PMM2: variants seen among roughly 807,000 people sequenced by gnomAD.
PMM2 encodes the protein phosphomannomutase 2.
A neutral mutation model predicts 33.2 loss-of-function variants in PMM2; 35 were observed. The observed-to-expected ratio is 1.06, with a 90% CI of 0.81 to 1.40. The LOEUF (loss-of-function observed/expected upper bound fraction) is 1.40, where lower values mean the gene tolerates loss of function less well. Among genes scored for constraint, PMM2 ranks in the 40% most tolerant of loss-of-function variants. The pLI, the probability that PMM2 is intolerant of heterozygous loss-of-function variation, is 0.00. For missense variants in PMM2, 386 were observed against 306.0 expected, an observed-to-expected ratio of 1.26 and a Z score of -1.95; for synonymous variants, 153 against 114.7, an observed-to-expected ratio of 1.33 and a Z score of -2.13.
chr16:8,830,762 A>G (rs2060804919), intron 7 of PMM2, among the ~76,000 whole-genome samples: 1 of 152,180 alleles, frequency 6.6e-6, no homozygotes, highest in Admixed American at 6.5e-5. Context: ...CTTGTAACTA[A>G]TTTGTTAGTC....
chr16:8,824,591 A>G (rs1213041244), intron 7 of PMM2, among the ~76,000 whole-genome samples: 1 of 152,200 alleles, frequency 6.6e-6, no homozygotes, highest in African/African-American at 2.4e-5. Flanking sequence ...TTTATATTTG[A>G]CAGTGCTTCC....
chr16:8,834,175 T>C (rs1189050481), intron 7 of PMM2, among the ~76,000 whole-genome samples: 2 of 151,182 alleles, frequency 1.3e-5, no homozygotes, highest in South Asian at 2.1e-4. Flanking sequence ...GAAGGGAAAG[T>C]GGTAAAAGTA....
At chr16:8,847,390 A>AAG (rs935961553) in intron 7 of PMM2, among the ~76,000 whole-genome samples, 1 of 151,738 alleles carries the variant, frequency 6.6e-6, no homozygotes, top group South Asian at 2.1e-4. Flanking sequence ...AAAAAAAAAA[A>AAG]AAACTGATGG....
chr16:8,833,218 C>T lies in PMM2; in HGVS notation c.640-14506C>T, dbSNP rs137937051. 1.5e-3 allele frequency among the ~76,000 whole-genome samples: 226 copies of T among 152,164 alleles called. 1 individual carries two copies. The East Asian group carries it at 0.025, about 17-fold the overall frequency. On this transcript the variant is annotated intron_variant, in intron 7 of 7. Transcript: ENST00000268261. ...CGGTGAAGTTAAGAGCAATGTTTTG[C>T]GGGCAGGAGTGGATCTCACAAAGTA...
At chr16:8,807,869 G>T (rs566826522) in intron 4 of PMM2, 9 of 152,222 alleles carry the variant, frequency 5.9e-5, no homozygotes, top group African/African-American at 1.9e-4. Flanking sequence ...TAAAATAATA[G>T]TAATAATAAT....
At chr16:8,802,387 T>G (rs1354835320) in intron 2 of PMM2, 1 of 425,882 alleles carries the variant, frequency 2.3e-6, no homozygotes, top group East Asian at 7.0e-5. Context: ...GAATCCTATT[T>G]CAGTGAGTAC....
intron 7 of PMM2, among the ~76,000 whole-genome samples, chr16:8,847,196 A>T (rs933826835): frequency 2.0e-5 from 3 of 152,034 alleles, no homozygotes; most frequent in Non-Finnish European, 2.9e-5. Context: ...AATCAAATTA[A>T]CTGAGTTCCT....
intron 2 of PMM2, 133 bp downstream of exon 2, chr16:8,802,043 T>G (rs2060619679): frequency 4.4e-6 from 3 of 681,974 alleles, no homozygotes; most frequent in Non-Finnish European, 8.1e-6. Flanking sequence ...TTGGGAAACA[T>G]TTTCTTGGCC....
At chr16:8,803,186 T>C (rs989125835) in intron 2 of PMM2, among the ~76,000 whole-genome samples, 1 of 152,186 alleles carries the variant, frequency 6.6e-6, no homozygotes, top group Non-Finnish European at 1.5e-5. Flanking sequence ...ACAGTCCAAA[T>C]CTGTATGGAC....
intron 7 of PMM2, among the ~76,000 whole-genome samples, chr16:8,839,739 A>T (rs1348721820): frequency 1.3e-5 from 2 of 151,850 alleles, no homozygotes; most frequent in Non-Finnish European, 2.9e-5. Context: ...TGGACTTTGG[A>T]GATGAAGAGT....
chr16:8,812,497 G>A (rs1205061229), intron 6 of PMM2, among the ~76,000 whole-genome samples: 1 of 152,224 alleles, frequency 6.6e-6, no homozygotes, highest in Non-Finnish European at 1.5e-5. Flanking sequence ...TGAACTGTGA[G>A]ATGGACATCT....
intron 7 of PMM2, among the ~76,000 whole-genome samples, chr16:8,830,877 G>A (rs763277707): frequency 2.6e-5 from 4 of 152,220 alleles, no homozygotes; most frequent in South Asian, 2.1e-4. Flanking sequence ...GGTGGCTCAC[G>A]CCTGTAATCC....
chr16:8,803,074 A>C (rs3785176), intron 2 of PMM2, among the ~76,000 whole-genome samples: 30,892 of 152,048 alleles, frequency 0.2, 3,569 homozygotes, highest in East Asian at 0.26. Context: ...ACACGCACAC[A>C]TACGGCTATG....
In PMM2 at chr16:8,798,522, T is replaced by C. The variant is rs567090914; in HGVS notation, c.66+574T>C. On this transcript the variant is annotated intron_variant, in intron 1 of 7. Transcript: ENST00000268261. Reference sequence around the variant, plus strand: ...GATTGTGTAAGTTCTTGAAAGTATGTTGGACACAACACACTAGGCCTCAGT... The same window carrying C: ...GATTGTGTAAGTTCTTGAAAGTATGCTGGACACAACACACTAGGCCTCAGT... 2.0e-5 allele frequency among the ~76,000 whole-genome samples: 3 copies of C among 152,234 alleles called. No homozygotes were observed. In the South Asian group the frequency reaches 6.2e-4, roughly 32 times the overall value.
At chr16:8,836,847 T>C (rs2060851585) in intron 7 of PMM2, among the ~76,000 whole-genome samples, 1 of 151,902 alleles carries the variant, frequency 6.6e-6, no homozygotes, top group Non-Finnish European at 1.5e-5. Flanking sequence ...ACCTAAACGC[T>C]ATCTGATTTG....
chr16:8,825,245 A>ATGG (rs1388388945), intron 7 of PMM2, among the ~76,000 whole-genome samples: 2 of 151,260 alleles, frequency 1.3e-5, no homozygotes, highest in Admixed American at 6.6e-5. Flanking sequence ...GTTAGCCAGG[A>ATGG]TGGTCTTGAT....
chr16:8,842,824 T>A (rs2060898686), intron 7 of PMM2, among the ~76,000 whole-genome samples: 1 of 152,118 alleles, frequency 6.6e-6, no homozygotes, highest in Non-Finnish European at 1.5e-5. Flanking sequence ...AAGCGTGCTG[T>A]GGGATGGGAT....
chr16:8,818,432 T>C (rs1162131737), intron 7 of PMM2, among the ~76,000 whole-genome samples: 1 of 152,242 alleles, frequency 6.6e-6, no homozygotes, highest in Non-Finnish European at 1.5e-5. Context: ...CTATCAGTTC[T>C]TGAAACTTCA....
chr16:8,813,865 T>C (rs1315503831), intron 7 of PMM2, among the ~76,000 whole-genome samples: 11 of 141,158 alleles, frequency 7.8e-5, no homozygotes, highest in African/African-American at 2.9e-4. Flanking sequence ...CTCTTTTTTT[T>C]TTTTTTTTTT....
Sources: gnomAD v4.1 joint callset for allele counts (sites outside exome capture counted in the v4.1 genomes callset) on GRCh38, gnomAD v4.1.1 for gene constraint, MANE v1.5 for transcripts, NCBI Gene and HGNC (gene_info 2026-07-23, HGNC 2026-07-21) for gene names.